Variants in GUCA1C observed in about 807,000 individuals in gnomAD.
GUCA1C encodes the protein guanylate cyclase activator 1C.
GUCA1C carries 15 observed loss-of-function variants against 16.2 expected under a neutral mutation model. The observed-to-expected ratio is 0.93, with a 90% confidence interval of 0.62 to 1.43. GUCA1C has a LOEUF of 1.43. Among genes scored for constraint, GUCA1C ranks in the 40% most tolerant of loss-of-function variants. The pLI, the probability that GUCA1C is intolerant of heterozygous loss-of-function variation, is 0.00. For missense variants in GUCA1C, 275 were observed against 244.8 expected (o/e 1.12, Z -0.82); for synonymous variants, 78 against 85.4 (o/e 0.91, Z 0.48).
intron 1 of GUCA1C, among the ~76,000 whole-genome samples, chr3:108,940,976 A>G (rs6799826): frequency 0.19 from 28,785 of 152,132 alleles, 2,751 homozygotes; most frequent in Middle Eastern, 0.3. Flanking sequence ...GAGGCCAGAC[A>G]TTCTGATTCT....
intron 1 of GUCA1C, among the ~76,000 whole-genome samples, chr3:108,949,340 G>A (rs1946874597): frequency 6.6e-6 from 1 of 152,164 alleles, no homozygotes; most frequent in Admixed American, 6.5e-5. Flanking sequence ...ATCTGATCCA[G>A]GTGAAGAAGA....
chr3:108,925,433 G>A (rs935947287), intron 1 of GUCA1C, among the ~76,000 whole-genome samples: 1 of 152,156 alleles, frequency 6.6e-6, no homozygotes, highest in Admixed American at 6.6e-5. Context: ...GCATGGTTTT[G>A]AGGGTTCCTT....
At chr3:108,929,908 T>C (rs1180047332) in intron 1 of GUCA1C, among the ~76,000 whole-genome samples, 1 of 152,228 alleles carries the variant, frequency 6.6e-6, no homozygotes, top group Non-Finnish European at 1.5e-5. Flanking sequence ...TCAAAATTAA[T>C]GAGGCTCTTT....
chr3:108,939,028 C>T (rs1221362310), intron 1 of GUCA1C, among the ~76,000 whole-genome samples: 1 of 152,152 alleles, frequency 6.6e-6, no homozygotes, highest in African/African-American at 2.4e-5. Flanking sequence ...TTAATTACTG[C>T]AGACCTAGGA....
intron 1 of GUCA1C, among the ~76,000 whole-genome samples, chr3:108,940,334 GGT>G (rs1946773435): frequency 6.6e-6 from 1 of 152,172 alleles, no homozygotes; most frequent in Admixed American, 6.5e-5. Flanking sequence ...GGTAGCCACG[GGT>G]TAATGAACAG....
chr3:108,918,605 C>T (rs1429770283), intron 2 of GUCA1C, among the ~76,000 whole-genome samples: 3 of 152,146 alleles, frequency 2.0e-5, no homozygotes, highest in African/African-American at 7.2e-5. Flanking sequence ...TCCTTAAAAA[C>T]CTTTCTCTTG....
intron 1 of GUCA1C, among the ~76,000 whole-genome samples, chr3:108,929,195 A>G (rs1016161585): frequency 6.6e-6 from 1 of 152,176 alleles, no homozygotes; most frequent in African/African-American, 2.4e-5. Flanking sequence ...GAGAGTGCCA[A>G]TGTAAATGGT....
chr3:108,940,994 G>A (rs1946780567), intron 1 of GUCA1C, among the ~76,000 whole-genome samples: 2 of 152,080 alleles, frequency 1.3e-5, no homozygotes, highest in South Asian at 4.1e-4. Context: ...TCTTCCCAAG[G>A]TGCTGCCTGC....
chr3:108,937,548 C>T (rs1192866210), intron 1 of GUCA1C, among the ~76,000 whole-genome samples: 1 of 152,170 alleles, frequency 6.6e-6, no homozygotes, highest in Non-Finnish European at 1.5e-5. Context: ...GTTCTAGAAA[C>T]AGTCCTTTGA....
chr3:108,940,162 G>A (rs1310171008), intron 1 of GUCA1C, among the ~76,000 whole-genome samples: 2 of 152,170 alleles, frequency 1.3e-5, no homozygotes, highest in Non-Finnish European at 2.9e-5. Flanking sequence ...CTTCCTGAGA[G>A]CTTCCATGCT....
chr3:108,931,790 C>CT (rs1559844956), intron 1 of GUCA1C, among the ~76,000 whole-genome samples: 1 of 151,110 alleles, frequency 6.6e-6, no homozygotes, highest in African/African-American at 2.4e-5. Context: ...GCAAATGTGA[C>CT]TAAGAAGGAT....
chr3:108,941,899 A>C (rs538804463), intron 1 of GUCA1C, among the ~76,000 whole-genome samples: 1 of 152,220 alleles, frequency 6.6e-6, no homozygotes, highest in African/African-American at 2.4e-5. Flanking sequence ...CAAAAGTTCT[A>C]GTTGAGACAC....
chr3:108,931,865 C>CTTTTTTTTTTTTTTTTTTTT lies in GUCA1C; in HGVS notation c.205-11300_205-11281dup, dbSNP rs59451506. Among the ~76,000 whole-genome samples the CTTTTTTTTTTTTTTTTTTTT allele has an allele frequency of 1.8e-5, 2 of 110,142 alleles. 1 individual carries two copies. 72.3% of individuals were successfully genotyped at this position (110,142 alleles called of 152,430 possible). A position where few individuals can be genotyped will look rare whatever the true frequency, so the allele number is the denominator to read the frequency against. The stretch of plus-strand genomic sequence containing the variant: ...AAGGGAACAGTTTTTTTTCTTCCTT[C>CTTTTTTTTTTTTTTTTTTTT]TTTTTTTTTTTTTTTTTTTTTGAGA... On this transcript the variant is annotated intron_variant, in intron 1 of 3. Transcript: ENST00000261047.
At chr3:108,941,671 A>C (rs1197680758) in intron 1 of GUCA1C, among the ~76,000 whole-genome samples, 1 of 152,200 alleles carries the variant, frequency 6.6e-6, no homozygotes, top group Non-Finnish European at 1.5e-5. Context: ...ATGACACTCT[A>C]TTTGGATAAA....
chr3:108,943,455 G>A (rs888313972), intron 1 of GUCA1C, among the ~76,000 whole-genome samples: 6 of 152,154 alleles, frequency 3.9e-5, no homozygotes, highest in African/African-American at 1.4e-4. Flanking sequence ...TAAAGTAGCT[G>A]AGGGAGAATC....
At chr3:108,927,990 G>A (rs1247146709) in intron 1 of GUCA1C, among the ~76,000 whole-genome samples, 1 of 152,172 alleles carries the variant, frequency 6.6e-6, no homozygotes, top group East Asian at 1.9e-4. Flanking sequence ...TGCTCTTCTG[G>A]GTCTAGTCAC....
intron 1 of GUCA1C, among the ~76,000 whole-genome samples, chr3:108,952,988 T>C (rs1263499708): frequency 6.6e-6 from 1 of 152,202 alleles, no homozygotes; most frequent in Non-Finnish European, 1.5e-5. Flanking sequence ...TAACAATCTT[T>C]AGAAACAAAA....
chr3:108,953,353 G>C (rs565437064), intron 1 of GUCA1C, among the ~76,000 whole-genome samples: 7 of 152,252 alleles, frequency 4.6e-5, no homozygotes, highest in South Asian at 2.1e-4. Flanking sequence ...TAGGGTGGGA[G>C]AGGCTAGTTC....
chr3:108,923,102 A>G (rs993017697), intron 1 of GUCA1C, among the ~76,000 whole-genome samples: 3 of 151,836 alleles, frequency 2.0e-5, no homozygotes, highest in Non-Finnish European at 2.9e-5. Flanking sequence ...AGATTGTGAT[A>G]TTTTCTCCCA....
Sources: allele counts gnomAD v4.1 joint callset (sites outside exome capture counted in the v4.1 genomes callset), GRCh38; gene constraint gnomAD v4.1.1; transcripts MANE v1.5; gene names NCBI Gene and HGNC (gene_info 2026-07-23, HGNC 2026-07-21).